The following BCAT1 variants were observed in gnomAD, a reference collection of about 807,000 sequenced individuals.
BCAT1 encodes branched chain amino acid transaminase 1.
A neutral mutation model predicts 52.4 loss-of-function variants in BCAT1; 48 were observed. That is an observed-to-expected ratio of 0.92 (90% CI 0.73 to 1.16). The LOEUF is 1.16. Among genes scored for constraint, BCAT1 ranks in the 50% most tolerant of loss-of-function variants. BCAT1 has a pLI of 0.00. For synonymous variants in BCAT1, 167 were observed against 161.3 expected (o/e 1.04, Z -0.27); for missense variants, 451 against 457.1 (o/e 0.99, Z 0.12).
At chr12:24,859,570 G>A (rs7299760) in intron 5 of BCAT1, among the ~76,000 whole-genome samples, 6,323 of 142,524 alleles carry the variant, frequency 0.044, 192 homozygotes, top group Non-Finnish European at 0.062. Context: ...GCAGTGAGCC[G>A]AGATGGCGCC....
chr12:24,867,973 C>T (rs918672765), intron 5 of BCAT1, among the ~76,000 whole-genome samples: 19 of 152,162 alleles, frequency 1.2e-4, no homozygotes, highest in African/African-American at 4.6e-4. Context: ...CCACTGCACT[C>T]CAGCCTGGGA....
chr12:24,849,822 G>T lies in BCAT1; in HGVS notation c.638C>A (p.Ala213Asp). Residue 213 changes from alanine to aspartate, a missense_variant, in exon 6 of 11, where the codon GCC (alanine) becomes GAC (aspartate). By Grantham distance (126) the Ala-to-Asp change is moderately radical (BLOSUM62 -2). Coordinates refer to ENST00000261192, the MANE Select transcript of BCAT1 (RefSeq NM_005504.7). The part of the protein sequence containing the change: ...SLWANPKYVR[A>D]WKGGTGDCKM... Reference sequence around the variant, plus strand: ...GCAGTCCCCAGTTCCACCTTTCCAGGCTCTTACATACTTGGGATTGGCCCA... The same window carrying T: ...GCAGTCCCCAGTTCCACCTTTCCAGTCTCTTACATACTTGGGATTGGCCCA... 1 of 1,612,710 alleles carries T rather than the reference G, an allele frequency of 6.2e-7. No individual in the cohort carries two copies. The highest frequency in any genetic ancestry group is 8.5e-7 in the Non-Finnish European group (1 of 1,179,152).
chr12:24,916,287 G>T (rs908887727), intron 1 of BCAT1, among the ~76,000 whole-genome samples: 1 of 152,156 alleles, frequency 6.6e-6, no homozygotes, highest in African/African-American at 2.4e-5. Context: ...AGGTCCCTGG[G>T]CCTGTCAGAA....
intron 1 of BCAT1, among the ~76,000 whole-genome samples, chr12:24,920,994 T>G (rs562331438): frequency 6.6e-6 from 1 of 152,142 alleles, no homozygotes; most frequent in South Asian, 2.1e-4. Flanking sequence ...CCTCGTGGAG[T>G]TGGGATGTGC....
intron 3 of BCAT1, among the ~76,000 whole-genome samples, chr12:24,890,921 G>A (rs1228187466): frequency 5.3e-5 from 8 of 152,184 alleles, no homozygotes; most frequent in East Asian, 1.9e-4. Flanking sequence ...CACCTTTCCC[G>A]TAATAACAGT....
intron 5 of BCAT1, among the ~76,000 whole-genome samples, chr12:24,869,151 T>C (rs1250408371): frequency 2.6e-5 from 4 of 152,164 alleles, no homozygotes; most frequent in Non-Finnish European, 5.9e-5. Flanking sequence ...AGTATCAGTA[T>C]TGGCAAAGAA....
intron 1 of BCAT1, among the ~76,000 whole-genome samples, chr12:24,921,286 A>C (rs1943497488): frequency 6.6e-6 from 1 of 152,220 alleles, no homozygotes; most frequent in Non-Finnish European, 1.5e-5. Context: ...GTATGCCAGG[A>C]AACAGGAACA....
chr12:24,932,679 C>T (rs186679166), intron 1 of BCAT1, among the ~76,000 whole-genome samples: 1 of 152,368 alleles, frequency 6.6e-6, no homozygotes, highest in Admixed American at 6.5e-5. Flanking sequence ...TTCTATCGCA[C>T]AGGCTGGAGT....
intron 7 of BCAT1, among the ~76,000 whole-genome samples, chr12:24,837,025 A>G (rs982328057): frequency 7.4e-6 from 1 of 134,438 alleles, no homozygotes; most frequent in Admixed American, 7.3e-5. Context: ...AAGAAAAAAG[A>G]AAGAAAGAAA....
At position 24,810,803 on chromosome 12, in the gene BCAT1, A is replaced by C. The variant is rs1939655566; in HGVS notation, c.*7205T>G. The C allele has an allele frequency of 6.6e-6, 1 of 152,196 alleles. No individual in the cohort carries two copies. Among genetic ancestry groups the C allele is most frequent in the Admixed American group, 6.5e-5 (1 of 15,270 alleles). The allele number at this position is 152,196 out of a possible 1,614,324, so 9.4% of individuals were successfully genotyped here. ...CAAATCATTTGGGCAAATTATAAGA[A>C]AATGAATACAAAATGTGTGACCCTT... On this transcript the variant is annotated 3_prime_UTR_variant, in exon 11 of 11. Transcript: ENST00000261192.
At chr12:24,902,734 G>A in intron 1 of BCAT1, 1 of 712,758 alleles carries the variant, frequency 1.4e-6, no homozygotes. Flanking sequence ...CCTGGGCAGC[G>A]GGAACCTCGA....
chr12:24,852,609 A>C (rs552515516), intron 5 of BCAT1, among the ~76,000 whole-genome samples: 1 of 152,308 alleles, frequency 6.6e-6, no homozygotes, highest in Admixed American at 6.5e-5. Flanking sequence ...TTATTCCACT[A>C]GGTGGTAGTA....
chr12:24,829,777 AAAAGAAAAGAAAAGG>A (rs773805118), intron 10 of BCAT1, 31 bp downstream of exon 10: 26 of 1,252,934 alleles, frequency 2.1e-5, no homozygotes, highest in East Asian at 7.2e-5. Context: ...TGACATAAAA[AAAAGAAAAGAAAAGG>A]AAAGAAAAGA....
intron 6 of BCAT1, among the ~76,000 whole-genome samples, chr12:24,844,894 CAAAAAAAAAAAAAA>C (rs11318750): frequency 3.1e-4 from 11 of 36,002 alleles, no homozygotes; most frequent in Non-Finnish European, 4.6e-4. Flanking sequence ...GAGACTGTCT[CAAAAAAAAAAAAAA>C]AAAAAAAAAG....
chr12:24,920,759 G>A (rs1943489468), intron 1 of BCAT1, among the ~76,000 whole-genome samples: 1 of 152,170 alleles, frequency 6.6e-6, no homozygotes, highest in Admixed American at 6.5e-5. Flanking sequence ...CTTCCAACCA[G>A]TCATAAGTTC....
chr12:24,842,106 G>GA lies in BCAT1; in HGVS notation c.792dup (p.Leu265SerfsTer6), dbSNP rs1941193527. ...CCTCCATCTTCATTTATCCAGTAAA[G>GA]AAAAAGATTCATAGTTCCCACTTCA... On this transcript the variant is annotated frameshift_variant, in exon 7 of 11. Transcript: ENST00000261192. LOFTEE classifies it high-confidence loss of function. 6.2e-7 allele frequency: 1 copy of GA among 1,613,628 alleles called. No homozygotes were observed. Among genetic ancestry groups the GA allele is most frequent in the African/African-American group, 1.3e-5 (1 of 74,896 alleles).
intron 10 of BCAT1, among the ~76,000 whole-genome samples, chr12:24,820,797 C>T (rs1223459937): frequency 6.7e-6 from 1 of 150,046 alleles, no homozygotes; most frequent in Non-Finnish European, 1.5e-5. Context: ...ACCTCACATT[C>T]GAGGTACATA....
intron 3 of BCAT1, among the ~76,000 whole-genome samples, chr12:24,891,754 G>GTT (rs768039557): frequency 1.3e-4 from 19 of 142,238 alleles, no homozygotes; most frequent in African/African-American, 3.8e-4. Flanking sequence ...AGAGGTTTTT[G>GTT]TTTTTTTTTT....
At chr12:24,943,807 AC>A in intron 1 of BCAT1, among the ~76,000 whole-genome samples, 1 of 151,852 alleles carries the variant, frequency 6.6e-6, no homozygotes, top group East Asian at 1.9e-4. Context: ...ACATGGTGAA[AC>A]CCCGTCTCTA....
Sources: allele counts gnomAD v4.1 joint callset (sites outside exome capture counted in the v4.1 genomes callset), GRCh38; gene constraint gnomAD v4.1.1; transcripts MANE v1.5; gene names NCBI Gene and HGNC (gene_info 2026-07-23, HGNC 2026-07-21).